VWC2L: variants seen among roughly 807,000 people sequenced by gnomAD.
The protein encoded by VWC2L is von Willebrand factor C domain containing 2 like.
A neutral mutation model predicts 21.6 loss-of-function variants in VWC2L; 10 were observed. The observed-to-expected ratio is 0.46, with a 90% confidence interval of 0.29 to 0.78. The LOEUF is 0.78. VWC2L is among the 30% of genes least tolerant of loss of function. VWC2L has a pLI of 0.10. For missense variants in VWC2L, 209 were observed against 277.1 expected (o/e 0.75, Z 1.74); for synonymous variants, 96 against 94.3 (o/e 1.02, Z -0.10).
intron 3 of VWC2L, among the ~76,000 whole-genome samples, chr2:214,439,679 A>G (rs1404886032): frequency 6.6e-6 from 1 of 151,974 alleles, no homozygotes; most frequent in Non-Finnish European, 1.5e-5. Context: ...GAGGCATTAA[A>G]GTTATAAAAC....
chr2:214,514,964 TAC>T (rs1441522841), intron 3 of VWC2L, among the ~76,000 whole-genome samples: 3 of 152,198 alleles, frequency 2.0e-5, no homozygotes, highest in Non-Finnish European at 2.9e-5. Context: ...AAGGATAAAA[TAC>T]AGTTTTAATT....
intron 3 of VWC2L, among the ~76,000 whole-genome samples, chr2:214,457,437 A>G (rs1703073283): frequency 6.6e-6 from 1 of 152,068 alleles, no homozygotes; most frequent in South Asian, 2.1e-4. Flanking sequence ...CATATCTGCA[A>G]AGAGTGGTAA....
At chr2:214,502,201 G>T (rs78391773) in intron 3 of VWC2L, among the ~76,000 whole-genome samples, 1 of 151,828 alleles carries the variant, frequency 6.6e-6, no homozygotes, top group Non-Finnish European at 1.5e-5. Context: ...TGAAATATTC[G>T]CATGTTCTCA....
At chr2:214,478,655 G>T (rs987536696) in intron 3 of VWC2L, among the ~76,000 whole-genome samples, 4 of 152,094 alleles carry the variant, frequency 2.6e-5, no homozygotes, top group African/African-American at 7.2e-5. Flanking sequence ...TCACCCTCCA[G>T]GTAACACTTC....
At chr2:214,563,609 T>TTTCTGAGTTCTCTAATCTGTTCCA (rs1690016095) in intron 3 of VWC2L, among the ~76,000 whole-genome samples, 1 of 149,082 alleles carries the variant, frequency 6.7e-6, no homozygotes, top group African/African-American at 2.5e-5. Context: ...TGAAGCCTTA[T>TTTCTGAGTTCTCTAATCTGTTCCA]TTCTGAGTTC....
chr2:214,479,039 T>A (rs1390686820), intron 3 of VWC2L, among the ~76,000 whole-genome samples: 1 of 152,140 alleles, frequency 6.6e-6, no homozygotes, highest in Non-Finnish European at 1.5e-5. Flanking sequence ...TCCTCAAAAG[T>A]CTCTTCAGCG....
In VWC2L at chr2:214,578,132, A is replaced by T. The variant is rs1690262087; in HGVS notation, c.*2312A>T. On this transcript the variant is annotated 3_prime_UTR_variant, in exon 4 of 4. Transcript: ENST00000312504. ...TCAAAAATCCACACTCTTGGAAAGA[A>T]ATAATAATAATAAATGACAGGAATA... The T allele has an allele frequency of 6.6e-6, 1 of 152,188 alleles. No individual in the cohort carries two copies. Among genetic ancestry groups the T allele is most frequent in the South Asian group, 2.1e-4 (1 of 4,838 alleles). 9.4% of individuals were successfully genotyped at this position (152,188 alleles called of 1,614,324 possible).
intron 3 of VWC2L, among the ~76,000 whole-genome samples, chr2:214,485,029 G>T (rs1232648762): frequency 6.6e-6 from 1 of 152,118 alleles, no homozygotes; most frequent in Non-Finnish European, 1.5e-5. Context: ...TTAGAAGTCT[G>T]TATCTGGCCG....
intron 3 of VWC2L, among the ~76,000 whole-genome samples, chr2:214,548,949 A>AT (rs1411610576): frequency 6.6e-6 from 1 of 152,170 alleles, no homozygotes; most frequent in Non-Finnish European, 1.5e-5. Flanking sequence ...AAACACATTT[A>AT]TTTTTGTACA....
At chr2:214,505,200 G>A (rs1266919081) in intron 3 of VWC2L, among the ~76,000 whole-genome samples, 1 of 152,128 alleles carries the variant, frequency 6.6e-6, no homozygotes, top group African/African-American at 2.4e-5. Flanking sequence ...CCTAACTTCA[G>A]GGAGTATTGC....
chr2:214,467,789 A>G (rs1412125815), intron 3 of VWC2L, among the ~76,000 whole-genome samples: 2 of 152,122 alleles, frequency 1.3e-5, no homozygotes, highest in Non-Finnish European at 2.9e-5. Flanking sequence ...TTCAATAACT[A>G]CTGAGTACCT....
rs75552871 is a variant in VWC2L at position 214,516,289 on chromosome 2, C to T, written c.521-59383C>T. ...TCAGCTCATAAATGATTAAGTGTAACGCTGCTCTCACCCAACAGCCCTCAT... is the reference window on the plus strand; with the variant it reads ...TCAGCTCATAAATGATTAAGTGTAATGCTGCTCTCACCCAACAGCCCTCAT... On this transcript the variant is annotated intron_variant, in intron 3 of 3. Coordinates refer to ENST00000312504, the MANE Select transcript of VWC2L (RefSeq NM_001080500.4). Among the ~76,000 whole-genome samples the T allele has an allele frequency of 9.0e-3, 1,369 of 152,130 alleles. 22 individuals carry two copies. Among genetic ancestry groups the T allele is most frequent in the African/African-American group, 0.031 (1,289 of 41,496 alleles).
At chr2:214,573,912 A>G (rs1011078276) in intron 3 of VWC2L, among the ~76,000 whole-genome samples, 9 of 152,212 alleles carry the variant, frequency 5.9e-5, no homozygotes, top group African/African-American at 2.2e-4. Flanking sequence ...AGGCCAAGGC[A>G]GGTGGATCGC....
intron 3 of VWC2L, among the ~76,000 whole-genome samples, chr2:214,553,401 C>A (rs182731432): frequency 6.6e-6 from 1 of 152,240 alleles, no homozygotes; most frequent in Non-Finnish European, 1.5e-5. Flanking sequence ...GTAAGATGTA[C>A]ATGGGTTTGG....
chr2:214,557,824 C>G (rs915111764), intron 3 of VWC2L, among the ~76,000 whole-genome samples: 8 of 152,208 alleles, frequency 5.3e-5, no homozygotes, highest in Non-Finnish European at 8.8e-5. Context: ...CTCAGGTACT[C>G]TAGTCTCCCT....
At chr2:214,451,314 G>GGC (rs1553586384) in intron 3 of VWC2L, among the ~76,000 whole-genome samples, 2 of 140,312 alleles carry the variant, frequency 1.4e-5, no homozygotes, top group African/African-American at 2.8e-5. Flanking sequence ...GGTGTGGGGG[G>GGC]GGGGGGCAGT....
chr2:214,412,614 C>T (rs760915019), intron 1 of VWC2L, among the ~76,000 whole-genome samples: 11 of 151,968 alleles, frequency 7.2e-5, no homozygotes, highest in Non-Finnish European at 1.0e-4. Flanking sequence ...ATTCTAATAT[C>T]AGAGGATATC....
rs1185065677 is a variant in VWC2L, at chr2:214,428,363, T to C, written c.391-8266T>C. 3.3e-5 allele frequency among the ~76,000 whole-genome samples: 5 copies of C among 152,206 alleles called. No homozygotes were observed. The East Asian group carries it at 9.6e-4, about 29-fold the overall frequency. On this transcript the variant is annotated intron_variant, in intron 2 of 3. Transcript: ENST00000312504. ...CTATATTTCATGCCAGGATTTCAGCTGCAAATGTGCTTATTTCACATTATC... is the reference window on the plus strand; with the variant it reads ...CTATATTTCATGCCAGGATTTCAGCCGCAAATGTGCTTATTTCACATTATC...
intron 3 of VWC2L, among the ~76,000 whole-genome samples, chr2:214,521,561 G>A (rs931272171): frequency 1.3e-5 from 2 of 152,146 alleles, no homozygotes; most frequent in African/African-American, 4.8e-5. Flanking sequence ...CCCCAAATAA[G>A]AGGATCCCCT....
Sources: allele counts gnomAD v4.1 joint callset (sites outside exome capture counted in the v4.1 genomes callset), GRCh38; gene constraint gnomAD v4.1.1; transcripts MANE v1.5; gene names NCBI Gene and HGNC (gene_info 2026-07-23, HGNC 2026-07-21).